The following MEF2C variants were observed in gnomAD, a reference collection of about 807,000 sequenced individuals.
The protein encoded by MEF2C is myocyte enhancer factor 2C, also known as myocyte-specific enhancer factor 2C.
A neutral mutation model predicts 50.5 loss-of-function variants in MEF2C; 6 were observed. That is an observed-to-expected ratio of 0.12 (90% CI 0.07 to 0.23). The LOEUF (loss-of-function observed/expected upper bound fraction) is 0.23, where lower values mean the gene tolerates loss of function less well. MEF2C is among the 10% of genes least tolerant of loss of function. MEF2C has a pLI of 1.00. For synonymous variants in MEF2C, 183 were observed against 228.0 expected, an observed-to-expected ratio of 0.80 and a Z score of 1.78; for missense variants, 276 against 605.0, an observed-to-expected ratio of 0.46 and a Z score of 5.70.
intron 3 of MEF2C, among the ~76,000 whole-genome samples, chr5:88,786,862 T>C (rs564746684): frequency 2.6e-5 from 4 of 152,248 alleles, no homozygotes; most frequent in African/African-American, 9.6e-5. Flanking sequence ...GTAAGATTTT[T>C]CAGGTGCTCA....
At chr5:88,743,586 T>C in intron 6 of MEF2C, 1 of 980,392 alleles carries the variant, frequency 1.0e-6, no homozygotes, top group Non-Finnish European at 1.2e-6. Context: ...TGCGTGTAAA[T>C]GGATTGTAAA....
chr5:88,821,246 G>A (rs1004755987), intron 2 of MEF2C, among the ~76,000 whole-genome samples: 11 of 151,904 alleles, frequency 7.2e-5, no homozygotes, highest in South Asian at 6.2e-4. Flanking sequence ...TCAAAAGTGC[G>A]ACATTAAGAT....
rs1486376794 is a variant in MEF2C, at chr5:88,730,894, T to C, written c.811-660A>G. On this transcript the variant is annotated intron_variant, in intron 7 of 10. Transcript: ENST00000504921. ...GTTTGCAGAATGATCTAAATTTGTCTACCGAATCTTGGTTTTAAACGTTCT... is the reference window on the plus strand; with the variant it reads ...GTTTGCAGAATGATCTAAATTTGTCCACCGAATCTTGGTTTTAAACGTTCT... Among the ~76,000 whole-genome samples, 4 of 152,236 alleles carry C rather than the reference T, an allele frequency of 2.6e-5. No homozygotes were observed. The East Asian group carries it at 7.7e-4, about 29-fold the overall frequency.
At chr5:88,820,639 CAGTG>C (rs1445857506) in intron 2 of MEF2C, among the ~76,000 whole-genome samples, 1 of 152,002 alleles carries the variant, frequency 6.6e-6, no homozygotes, top group Non-Finnish European at 1.5e-5. Context: ...GAAAAGATGA[CAGTG>C]AGCCATTGCA....
chr5:88,893,563 T>C lies in MEF2C; in HGVS notation c.-239-5965A>G, dbSNP rs548833629. Among the ~76,000 whole-genome samples, 6 of 152,122 alleles carry C rather than the reference T, an allele frequency of 3.9e-5. No individual in the cohort carries two copies. In the South Asian group the frequency reaches 1.2e-3, roughly 31 times the overall value. On this transcript the variant is annotated intron_variant, in intron 1 of 11. Coordinates refer to the MEF2C transcript ENST00000340208. ...TTTAAATGACTATGTTCTACTTATCTGGATCTTACAAAATTATTTATAAAA... is the reference window on the plus strand; with the variant it reads ...TTTAAATGACTATGTTCTACTTATCCGGATCTTACAAAATTATTTATAAAA...
intron 2 of MEF2C, among the ~76,000 whole-genome samples, chr5:88,810,043 C>A (rs1802112176): frequency 6.6e-6 from 1 of 152,102 alleles, no homozygotes; most frequent in Admixed American, 6.6e-5. Context: ...ATCCCTCAGG[C>A]CTCTCACAGA....
chr5:88,732,641 T>C (rs527666628), intron 6 of MEF2C: 3 of 152,368 alleles, frequency 2.0e-5, no homozygotes, highest in African/African-American at 7.2e-5. Flanking sequence ...CTTAGGTCTC[T>C]GATGTTCAGT....
intron 1 of MEF2C, among the ~76,000 whole-genome samples, chr5:88,894,278 A>G (rs547967358): frequency 2.3e-4 from 35 of 152,262 alleles, no homozygotes; most frequent in African/African-American, 7.9e-4. Context: ...CATAAAACCA[A>G]TGTGTTTGTT....
intron 1 of MEF2C, among the ~76,000 whole-genome samples, chr5:88,862,842 C>T (rs554006554): frequency 3.9e-5 from 6 of 152,098 alleles, no homozygotes; most frequent in African/African-American, 1.4e-4. Flanking sequence ...CTATGGCATA[C>T]CAGAGAATGG....
intron 2 of MEF2C, among the ~76,000 whole-genome samples, chr5:88,809,718 T>G (rs1293231566): frequency 6.6e-6 from 1 of 152,100 alleles, no homozygotes; most frequent in Admixed American, 6.6e-5. Flanking sequence ...GTAAATTCAG[T>G]CAAGATGAGT....
chr5:88,748,943 G>A, intron 6 of MEF2C, 127 bp downstream of exon 6: 3 of 1,517,240 alleles, frequency 2.0e-6, no homozygotes, highest in Admixed American at 2.1e-5. Context: ...AAAAATTCTT[G>A]GTGTCATTTT....
chr5:88,900,306 AGTT>A (rs1287669195), intron 1 of MEF2C, among the ~76,000 whole-genome samples: 2 of 151,888 alleles, frequency 1.3e-5, no homozygotes, highest in African/African-American at 2.4e-5. Context: ...TAAGCTAGTC[AGTT>A]GTTAAGTCAG....
intron 1 of MEF2C, among the ~76,000 whole-genome samples, chr5:88,895,431 AATGATGCTCCAAG>A (rs1160804959): frequency 6.6e-6 from 1 of 152,158 alleles, no homozygotes; most frequent in Non-Finnish European, 1.5e-5. Context: ...ATTTGCCCAG[AATGATGCTCCAAG>A]ATTTTATTTT....
rs75390160 is a variant in MEF2C, at chr5:88,750,586, G to A, written c.589+1271C>T. Among the ~76,000 whole-genome samples, 880 of 152,216 alleles carry A rather than the reference G, an allele frequency of 5.8e-3. 2 individuals are homozygous for A. The highest frequency in any genetic ancestry group is 0.017 in the Middle Eastern group (5 of 294). On this transcript the variant is annotated intron_variant, in intron 5 of 10. Coordinates refer to ENST00000504921, the MANE Select transcript of MEF2C (RefSeq NM_002397.5). ...AATACCGTATCAAATTCAAAAAAAT[G>A]AGCATGAGTTTATCAAATAGGAAAG...
intron 6 of MEF2C, chr5:88,734,582 T>TTTTTTTTTG: frequency 1.0e-6 from 1 of 958,052 alleles, no homozygotes; most frequent in Non-Finnish European, 1.2e-6. Context: ...TTTTTTTTTT[T>TTTTTTTTTG]TTTTTTTTTT....
chr5:88,752,782 A>G lies in MEF2C; in HGVS notation c.403-739T>C, dbSNP rs181525569. On this transcript the variant is annotated intron_variant, in intron 4 of 10. Transcript: ENST00000504921. Reference sequence around the variant, plus strand: ...TCTAATTAGATTAATCCAGGTTTCAATGATTGATTTTTGAGTAATTATTTT... The same window carrying G: ...TCTAATTAGATTAATCCAGGTTTCAGTGATTGATTTTTGAGTAATTATTTT... The G allele has an allele frequency of 3.0e-5, 30 of 985,272 alleles. No individual in the cohort carries two copies. The East Asian group carries it at 2.2e-3, about 71-fold the overall frequency. 61.0% of individuals were successfully genotyped at this position (985,272 alleles called of 1,614,324 possible).
intron 3 of MEF2C, among the ~76,000 whole-genome samples, chr5:88,773,441 A>G (rs1176277136): frequency 1.3e-5 from 2 of 152,222 alleles, no homozygotes; most frequent in Non-Finnish European, 2.9e-5. Context: ...GAGAGAGTTA[A>G]TAGAATTAAT....
At chr5:88,751,288 T>C (rs1037135544) in intron 5 of MEF2C, 14 of 984,952 alleles carry the variant, frequency 1.4e-5, no homozygotes, top group Middle Eastern at 5.2e-4. Flanking sequence ...TTGTGGCAGG[T>C]GTACATGTGT....
chr5:88,869,606 A>G (rs1425903612), intron 1 of MEF2C, among the ~76,000 whole-genome samples: 2 of 151,454 alleles, frequency 1.3e-5, no homozygotes, highest in African/African-American at 4.9e-5. Context: ...TGACATTTCA[A>G]ATTCTGTTAA....
Sources: allele counts gnomAD v4.1 joint callset (sites outside exome capture counted in the v4.1 genomes callset), GRCh38; gene constraint gnomAD v4.1.1; transcripts MANE v1.5; gene names NCBI Gene and HGNC (gene_info 2026-07-23, HGNC 2026-07-21).